PPP1R1C: variants seen among roughly 807,000 people sequenced by gnomAD.
PPP1R1C encodes protein phosphatase 1 regulatory subunit 1C.
PPP1R1C carries 15 observed loss-of-function variants against 17.4 expected under a neutral mutation model. The ratio of observed to expected loss-of-function variants is 0.86; its 90% CI spans 0.58 to 1.33. PPP1R1C has a LOEUF of 1.33. PPP1R1C is among the 40% of genes most tolerant of loss of function. The probability of loss-of-function intolerance (pLI) is 0.00; values close to 1 mark genes in which losing one functional copy is unlikely to be tolerated. For missense variants in PPP1R1C, 143 were observed against 130.0 expected, an observed-to-expected ratio of 1.10 and a Z score of -0.48; for synonymous variants, 35 against 43.1, an observed-to-expected ratio of 0.81 and a Z score of 0.73.
intron 4 of PPP1R1C, among the ~76,000 whole-genome samples, chr2:182,069,162 C>A (rs1470069477): frequency 6.6e-6 from 1 of 152,090 alleles, no homozygotes; most frequent in Non-Finnish European, 1.5e-5. Context: ...TTTGTTTGTG[C>A]TGGCTCAGTT....
chr2:182,027,424 T>C (rs1288135670), intron 2 of PPP1R1C, among the ~76,000 whole-genome samples: 162 of 114,014 alleles, frequency 1.4e-3, no homozygotes, highest in Admixed American at 2.4e-3. Flanking sequence ...GCATGAAGGG[T>C]TGTTGAATTT....
chr2:182,125,161 T>G (rs922506113), intron 5 of PPP1R1C, among the ~76,000 whole-genome samples: 2 of 152,206 alleles, frequency 1.3e-5, no homozygotes, highest in South Asian at 4.1e-4. Flanking sequence ...GATAATTGTG[T>G]GCTTTTTGTC....
chr2:182,068,120 G>A (rs1254151335), intron 4 of PPP1R1C, among the ~76,000 whole-genome samples: 2 of 152,036 alleles, frequency 1.3e-5, no homozygotes, highest in East Asian at 3.9e-4. Context: ...GCTTTAGTGT[G>A]TTTGGGCCTG....
rs181886877 is a variant in PPP1R1C, at chr2:181,997,544, C to T, written c.142+9645C>T. On this transcript the variant is annotated intron_variant, in intron 2 of 4. Coordinates refer to ENST00000682840, the MANE Select transcript of PPP1R1C (RefSeq NM_001080545.3). ...AAGCAAATTGTATTATTTTAAAATC[C>T]AACCTTGAATAAAAAACATTGAAAT... is the stretch of plus-strand genomic sequence containing the variant. Among the ~76,000 whole-genome samples, 292 of 152,052 alleles carry T rather than the reference C, an allele frequency of 1.9e-3. 2 individuals carry two copies. Among genetic ancestry groups the T allele is most frequent in the African/African-American group, 6.7e-3 (278 of 41,486 alleles).
chr2:182,091,605 A>G (rs1252779518), intron 4 of PPP1R1C, among the ~76,000 whole-genome samples: 3 of 152,126 alleles, frequency 2.0e-5, no homozygotes, highest in Non-Finnish European at 4.4e-5. Context: ...AACTGAAGGG[A>G]AGAAGGGAGT....
chr2:181,956,389 T>G (rs926667877), intron 1 of PPP1R1C, among the ~76,000 whole-genome samples: 4 of 152,240 alleles, frequency 2.6e-5, no homozygotes, highest in Non-Finnish European at 4.4e-5. Context: ...AGTAGAATGA[T>G]TTATAATCCT....
intron 4 of PPP1R1C, among the ~76,000 whole-genome samples, chr2:182,085,853 G>T (rs531178835): frequency 2.0e-5 from 3 of 152,218 alleles, no homozygotes; most frequent in African/African-American, 7.2e-5. Context: ...ACACATGTTT[G>T]TTCTACTTTG....
chr2:182,060,156 C>T (rs1441274974), intron 2 of PPP1R1C, among the ~76,000 whole-genome samples: 1 of 151,868 alleles, frequency 6.6e-6, no homozygotes, highest in African/African-American at 2.4e-5. Context: ...GTCTGTCCTC[C>T]CTTATATAAA....
chr2:182,044,980 T>C (rs370082406), intron 2 of PPP1R1C, among the ~76,000 whole-genome samples: 2 of 152,226 alleles, frequency 1.3e-5, no homozygotes, highest in African/African-American at 4.8e-5. Flanking sequence ...TGTCTCTCTA[T>C]CTATAGATAT....
chr2:181,965,292 T>C (rs1684886868), intron 1 of PPP1R1C, among the ~76,000 whole-genome samples: 2 of 152,238 alleles, frequency 1.3e-5, no homozygotes, highest in Non-Finnish European at 2.9e-5. Flanking sequence ...GCAGAATCTT[T>C]TTAACTTGAT....
intron 2 of PPP1R1C, among the ~76,000 whole-genome samples, chr2:182,028,080 T>C (rs1396357848): frequency 4.0e-4 from 55 of 137,224 alleles, no homozygotes; most frequent in African/African-American, 1.5e-3. Flanking sequence ...TTTTTTATTG[T>C]GTCTATTTGA....
In PPP1R1C at chr2:181,961,279, A is replaced by T. The variant is rs759137795; in HGVS notation, n.111+6645A>T. 1.3e-6 allele frequency: 1 copy of T among 748,832 alleles called. No homozygotes were observed. Among genetic ancestry groups the T allele is most frequent in the African/African-American group, 1.7e-5 (1 of 58,654 alleles). The allele number at this position is 748,832 out of a possible 1,614,324, so 46.4% of individuals were successfully genotyped here. On this transcript the variant is annotated intron_variant and non_coding_transcript_variant, in intron 1 of 5. Transcript: ENST00000464264. This position sits in a 1 kb window ranked among gnomAD's most constrained non-coding sequence, Gnocchi z 5.8. ...GGGTGGTGGTCTTTGGATGGTTTGC[A>T]TGGAGTTGCTGTTGTCCAGGGCATC...
At chr2:182,045,808 A>C (rs879313745) in intron 2 of PPP1R1C, among the ~76,000 whole-genome samples, 2 of 152,148 alleles carry the variant, frequency 1.3e-5, no homozygotes, top group African/African-American at 2.4e-5. Context: ...CATAGCTATA[A>C]AATAAGAATA....
intron 2 of PPP1R1C, among the ~76,000 whole-genome samples, chr2:182,004,319 A>G (rs1365880440): frequency 2.6e-5 from 4 of 152,174 alleles, no homozygotes; most frequent in Non-Finnish European, 4.4e-5. Flanking sequence ...TAGCACCAAC[A>G]TTTCATTCAT....
At chr2:182,124,324 T>G (rs1689815356) in intron 5 of PPP1R1C, among the ~76,000 whole-genome samples, 5 of 124,940 alleles carry the variant, frequency 4.0e-5, no homozygotes, top group Admixed American at 2.4e-4. Flanking sequence ...GTTTTTTTTT[T>G]TTGTTTTTTT....
chr2:182,036,865 C>G (rs923912923), intron 2 of PPP1R1C, among the ~76,000 whole-genome samples: 1 of 152,098 alleles, frequency 6.6e-6, no homozygotes, highest in African/African-American at 2.4e-5. Flanking sequence ...TCACTAGAAG[C>G]CTGGATTTTT....
At chr2:182,090,464 G>C in intron 4 of PPP1R1C, among the ~76,000 whole-genome samples, 1 of 151,960 alleles carries the variant, frequency 6.6e-6, no homozygotes, top group East Asian at 1.9e-4. Flanking sequence ...TAGTAAATTA[G>C]GTGATATTTT....
intron 2 of PPP1R1C, among the ~76,000 whole-genome samples, chr2:182,012,554 AC>A (rs1285193811): frequency 1.3e-5 from 2 of 151,900 alleles, no homozygotes; most frequent in African/African-American, 2.4e-5. Context: ...TTTAAAAAAA[AC>A]CTTTTAGCCA....
At position 182,027,111 on chromosome 2, in the gene PPP1R1C, C is replaced by T. The variant is rs1344248796; in HGVS notation, c.143-34331C>T. Among the ~76,000 whole-genome samples the T allele has an allele frequency of 2.1e-5, 3 of 145,184 alleles. 1 individual carries two copies. Among genetic ancestry groups the T allele is most frequent in the African/African-American group, 5.3e-5 (2 of 37,902 alleles). On this transcript the variant is annotated intron_variant, in intron 2 of 4. Coordinates refer to ENST00000682840, the MANE Select transcript of PPP1R1C (RefSeq NM_001080545.3). ...CTTATCAGCTTAAGGAGATTTTGGGCTGTGACCATGGGGTTTTCTAGATAT... is the reference window on the plus strand; with the variant it reads ...CTTATCAGCTTAAGGAGATTTTGGGTTGTGACCATGGGGTTTTCTAGATAT...
Sources: allele counts gnomAD v4.1 joint callset (sites outside exome capture counted in the v4.1 genomes callset), GRCh38; gene constraint gnomAD v4.1.1; non-coding constraint Gnocchi (gnomAD v3.1); transcripts MANE v1.5; gene names NCBI Gene and HGNC (gene_info 2026-07-23, HGNC 2026-07-21).